The following CRADD variants were observed in gnomAD, a reference collection of about 807,000 sequenced individuals.
CRADD encodes death domain-containing protein CRADD.
CRADD carries 9 observed loss-of-function variants against 15.5 expected under a neutral mutation model. The observed-to-expected ratio is 0.58, with a 90% CI of 0.35 to 1.01. CRADD has a LOEUF of 1.01. Ranked by LOEUF, CRADD falls within the 50% of genes least tolerant of loss-of-function variation. CRADD has a pLI of 0.02. For synonymous variants in CRADD, 118 were observed against 107.6 expected (o/e 1.10, Z -0.60); for missense variants, 227 against 250.3 (o/e 0.91, Z 0.63).
chr12:93,801,641 C>T (rs1053031721), intron 2 of CRADD, among the ~76,000 whole-genome samples: 1 of 152,134 alleles, frequency 6.6e-6, no homozygotes, highest in Admixed American at 6.5e-5. Flanking sequence ...TCAGGTGATC[C>T]GCCTGCCTCA....
chr12:93,688,188 T>C (rs947502776), intron 2 of CRADD, among the ~76,000 whole-genome samples: 6 of 152,214 alleles, frequency 3.9e-5, no homozygotes, highest in Non-Finnish European at 8.8e-5. Flanking sequence ...TGTCTGCTCA[T>C]GGTCTTTATT....
intron 2 of CRADD, among the ~76,000 whole-genome samples, chr12:93,843,323 G>A (rs1958071792): frequency 1.3e-5 from 2 of 151,626 alleles, no homozygotes; most frequent in African/African-American, 2.4e-5. Flanking sequence ...TAATTTTTGC[G>A]GTATCTAGGT....
chr12:93,722,234 C>A (rs2136890487), intron 2 of CRADD, among the ~76,000 whole-genome samples: 1 of 152,194 alleles, frequency 6.6e-6, no homozygotes, highest in Admixed American at 6.5e-5. Flanking sequence ...TTCTCTATAG[C>A]CAATTTACTT....
At chr12:93,772,860 A>T (rs1425890432) in intron 2 of CRADD, among the ~76,000 whole-genome samples, 1 of 152,150 alleles carries the variant, frequency 6.6e-6, no homozygotes, top group Non-Finnish European at 1.5e-5. Flanking sequence ...TAGCAAGTGT[A>T]TTTATGTAGG....
intron 2 of CRADD, among the ~76,000 whole-genome samples, chr12:93,811,190 T>TTTA (rs1394961430): frequency 1.3e-5 from 2 of 152,212 alleles, no homozygotes; most frequent in African/African-American, 4.8e-5. Context: ...CAAAGTTTAA[T>TTTA]AAGAGCAGGC....
At chr12:93,809,024 C>G (rs778351009) in intron 2 of CRADD, among the ~76,000 whole-genome samples, 2 of 152,140 alleles carry the variant, frequency 1.3e-5, no homozygotes, top group Admixed American at 6.5e-5. Context: ...AAGCGATTCT[C>G]CTGCCTCAGC....
intron 2 of CRADD, among the ~76,000 whole-genome samples, chr12:93,801,548 G>A (rs1398321188): frequency 6.6e-6 from 1 of 152,052 alleles, no homozygotes; most frequent in Non-Finnish European, 1.5e-5. Context: ...ACAAGCACCC[G>A]CCACTATGCC....
chr12:93,697,581 T>C (rs1955740399), intron 2 of CRADD, among the ~76,000 whole-genome samples: 1 of 148,856 alleles, frequency 6.7e-6, no homozygotes, highest in Non-Finnish European at 1.5e-5. Flanking sequence ...AATTTTTATT[T>C]GTCAGTTAAA....
chr12:93,705,954 AAGG>A (rs1490731082), intron 2 of CRADD, among the ~76,000 whole-genome samples: 4 of 152,210 alleles, frequency 2.6e-5, no homozygotes, highest in Non-Finnish European at 5.9e-5. Flanking sequence ...ACTGCTGCTG[AAGG>A]AGTAGTTTCT....
At chr12:93,773,985 C>T (rs1213450923) in intron 2 of CRADD, among the ~76,000 whole-genome samples, 3 of 147,250 alleles carry the variant, frequency 2.0e-5, no homozygotes, top group Non-Finnish European at 4.5e-5. Flanking sequence ...AGGTGTGCAC[C>T]ACTCCACCTG....
intron 2 of CRADD, among the ~76,000 whole-genome samples, chr12:93,704,992 C>G (rs1565879628): frequency 6.6e-6 from 1 of 152,216 alleles, no homozygotes; most frequent in Non-Finnish European, 1.5e-5. Context: ...AGCCACCTCC[C>G]AAGTCACTTT....
chr12:93,725,716 C>T (rs554978860), intron 2 of CRADD, among the ~76,000 whole-genome samples: 3 of 152,122 alleles, frequency 2.0e-5, no homozygotes, highest in Non-Finnish European at 4.4e-5. Flanking sequence ...CAGTAAGGGT[C>T]TATTGTAGGT....
chr12:93,812,038 G>A (rs1193418369), intron 2 of CRADD, among the ~76,000 whole-genome samples: 1 of 152,088 alleles, frequency 6.6e-6, no homozygotes, highest in Non-Finnish European at 1.5e-5. Flanking sequence ...TCCAAAAGGC[G>A]GTATACTGTA....
chr12:93,759,511 C>T (rs1956926556), intron 2 of CRADD, among the ~76,000 whole-genome samples: 2 of 152,064 alleles, frequency 1.3e-5, no homozygotes, highest in Admixed American at 6.6e-5. Context: ...TCATTTTGGT[C>T]CCCAGAGAAT....
chr12:93,690,918 G>C (rs1478365309), intron 2 of CRADD, among the ~76,000 whole-genome samples: 1 of 152,166 alleles, frequency 6.6e-6, no homozygotes, highest in East Asian at 1.9e-4. Flanking sequence ...TTTTCATTAT[G>C]TGTATGTCAG....
intron 2 of CRADD, among the ~76,000 whole-genome samples, chr12:93,747,303 C>A (rs1294409362): frequency 6.6e-6 from 1 of 152,084 alleles, no homozygotes; most frequent in Non-Finnish European, 1.5e-5. Context: ...GGGCTCTTGT[C>A]AGGCAGGTAC....
chr12:93,806,620 C>T (rs1593005716), intron 2 of CRADD, among the ~76,000 whole-genome samples: 1 of 151,958 alleles, frequency 6.6e-6, no homozygotes, highest in East Asian at 1.9e-4. Context: ...TGTTATATGC[C>T]ATTGAAAGAA....
intron 2 of CRADD, among the ~76,000 whole-genome samples, chr12:93,717,217 C>A (rs1354652938): frequency 6.6e-6 from 1 of 152,096 alleles, no homozygotes; most frequent in East Asian, 1.9e-4. Context: ...TTTTTTAAAT[C>A]AAGTTGTTCA....
intron 2 of CRADD, chr12:93,815,237 G>C (rs1439879929): frequency 6.6e-6 from 1 of 152,184 alleles, no homozygotes; most frequent in African/African-American, 2.4e-5. Context: ...CCAGGACTGT[G>C]TATAAATAGA....
Sources: allele counts gnomAD v4.1 joint callset (sites outside exome capture counted in the v4.1 genomes callset), GRCh38; gene constraint gnomAD v4.1.1; transcripts MANE v1.5; gene names NCBI Gene and HGNC (gene_info 2026-07-23, HGNC 2026-07-21).